The following SNX13 variants were observed in gnomAD, a reference collection of about 807,000 sequenced individuals.
SNX13 encodes the protein sorting nexin 13.
SNX13 carries 45 observed loss-of-function variants against 133.6 expected under a neutral mutation model. That is an observed-to-expected ratio of 0.34 (90% CI 0.27 to 0.43). The LOEUF (loss-of-function observed/expected upper bound fraction) is 0.43. Among genes scored for constraint, SNX13 ranks in the 20% least tolerant of loss-of-function variants. SNX13 has a pLI of 1.00. For missense variants in SNX13, 1,032 were observed against 1,145.1 expected, an observed-to-expected ratio of 0.90 and a Z score of 1.43; for synonymous variants, 414 against 373.9, an observed-to-expected ratio of 1.11 and a Z score of -1.24.
intron 18 of SNX13, among the ~76,000 whole-genome samples, chr7:17,818,298 T>C (rs1377326067): frequency 2.0e-5 from 3 of 152,024 alleles, no homozygotes; most frequent in African/African-American, 7.2e-5. Context: ...TATGACACTA[T>C]CCATTAAAAC....
At chr7:17,824,138 G>C (rs1787609790) in intron 17 of SNX13, among the ~76,000 whole-genome samples, 1 of 152,020 alleles carries the variant, frequency 6.6e-6, no homozygotes, top group African/African-American at 2.4e-5. Context: ...GTTACTCATA[G>C]CAGGCGATCT....
intron 3 of SNX13, among the ~76,000 whole-genome samples, chr7:17,892,117 G>A (rs564167649): frequency 1.9e-4 from 29 of 151,812 alleles, no homozygotes; most frequent in Non-Finnish European, 2.7e-4. Context: ...AAAGATCAGT[G>A]GCCTGAAAAT....
intron 25 of SNX13, chr7:17,795,483 T>A (rs1235292020): frequency 6.6e-6 from 1 of 151,708 alleles, no homozygotes; most frequent in Non-Finnish European, 1.5e-5. Context: ...ACCACCATCA[T>A]CATCTCAGTG....
At chr7:17,906,150 G>A (rs1355095196) in intron 1 of SNX13, among the ~76,000 whole-genome samples, 1 of 152,034 alleles carries the variant, frequency 6.6e-6, no homozygotes, top group Admixed American at 6.5e-5. Context: ...ACAAAAGAGG[G>A]AGAACGACAG....
intron 20 of SNX13, among the ~76,000 whole-genome samples, chr7:17,805,265 G>GCGCGCGCGCACA (rs771908159): frequency 6.8e-6 from 1 of 146,004 alleles, no homozygotes; most frequent in Non-Finnish European, 1.5e-5. Flanking sequence ...GCGCGCGCGC[G>GCGCGCGCGCACA]CATGCATGCA....
intron 18 of SNX13, among the ~76,000 whole-genome samples, chr7:17,819,803 G>C (rs1787078019): frequency 6.6e-6 from 1 of 152,082 alleles, no homozygotes; most frequent in South Asian, 2.1e-4. Flanking sequence ...TTTAAAAGGA[G>C]TTTTTAATTT....
intron 1 of SNX13, among the ~76,000 whole-genome samples, chr7:17,902,021 A>G (rs1797893412): frequency 6.6e-6 from 1 of 152,228 alleles, no homozygotes; most frequent in Non-Finnish European, 1.5e-5. Context: ...ATGAGTTGAT[A>G]TGGAGAAGAT....
intron 7 of SNX13, among the ~76,000 whole-genome samples, chr7:17,874,486 C>T (rs1176771013): frequency 1.3e-5 from 2 of 151,986 alleles, no homozygotes. Context: ...TCTCACTGTT[C>T]AAGTGTCAAC....
intron 16 of SNX13, among the ~76,000 whole-genome samples, chr7:17,827,050 G>A (rs1444822329): frequency 6.6e-6 from 1 of 151,982 alleles, no homozygotes; most frequent in East Asian, 1.9e-4. Context: ...TTCCTTCTAG[G>A]AGTCCAGAAT....
In SNX13 at chr7:17,793,667, T is replaced by C. The variant is rs1783757058; in HGVS notation, c.*378A>G. ...GCACAGTCTCCAACTGTTAAACAAA[T>C]TAGCCAATTTATCTCTGAACCATTG... On this transcript the variant is annotated 3_prime_UTR_variant, in exon 26 of 26. Transcript: ENST00000428135. The C allele has an allele frequency of 1.2e-5, 2 of 167,454 alleles. No individual in the cohort carries two copies. Among genetic ancestry groups the C allele is most frequent in the South Asian group, 3.2e-4 (2 of 6,186 alleles). 10.4% of individuals were successfully genotyped at this position (167,454 alleles called of 1,614,324 possible).
In SNX13 at chr7:17,793,849, A is replaced by C; in HGVS notation, c.*196T>G. Reference sequence around the variant, plus strand: ...CAAAATATGCACCAAATCATTTAAGACACAGAAATCTCTCTTGGTAGTGGT... The same window carrying C: ...CAAAATATGCACCAAATCATTTAAGCCACAGAAATCTCTCTTGGTAGTGGT... On this transcript the variant is annotated 3_prime_UTR_variant, in exon 26 of 26. Coordinates refer to ENST00000428135, the MANE Select transcript of SNX13 (RefSeq NM_015132.5). 1 of 563,644 alleles carries C rather than the reference A, an allele frequency of 1.8e-6. No homozygotes were observed. Among genetic ancestry groups the C allele is most frequent in the Non-Finnish European group, 2.9e-6 (1 of 346,656 alleles). 34.9% of individuals were successfully genotyped at this position (563,644 alleles called of 1,614,324 possible). A position where few individuals can be genotyped will look rare whatever the true frequency, so the allele number is the denominator to read the frequency against.
At chr7:17,868,656 A>C (rs1793690822) in intron 8 of SNX13, among the ~76,000 whole-genome samples, 166 bp from the exon 9 acceptor site, 1 of 152,114 alleles carries the variant, frequency 6.6e-6, no homozygotes, top group Non-Finnish European at 1.5e-5. Flanking sequence ...ACTATGCCTC[A>C]GTTTAGATAA....
chr7:17,797,286 C>T (rs529053196), intron 24 of SNX13, among the ~76,000 whole-genome samples: 33 of 151,888 alleles, frequency 2.2e-4, no homozygotes, highest in African/African-American at 7.7e-4. Context: ...CCAAATGCAA[C>T]CCTACAATAT....
At chr7:17,800,637 A>G (rs1784513520) in intron 22 of SNX13, among the ~76,000 whole-genome samples, 1 of 151,740 alleles carries the variant, frequency 6.6e-6, no homozygotes, top group African/African-American at 2.4e-5. Context: ...GAGAGAAGAC[A>G]ATGTATTACA....
intron 17 of SNX13, 38 bp downstream of exon 17, chr7:17,825,984 T>C: frequency 7.6e-7 from 1 of 1,321,302 alleles, no homozygotes; most frequent in Non-Finnish European, 1.0e-6. Flanking sequence ...TAATAATACA[T>C]AGTTTTAATG....
chr7:17,797,263 T>C (rs1784152166), intron 24 of SNX13, among the ~76,000 whole-genome samples: 2 of 151,876 alleles, frequency 1.3e-5, no homozygotes, highest in African/African-American at 4.8e-5. Context: ...CATCTGCTGA[T>C]TGAACATCTC....
intron 20 of SNX13, among the ~76,000 whole-genome samples, chr7:17,812,889 A>C (rs574798549): frequency 6.6e-6 from 1 of 152,122 alleles, no homozygotes. Context: ...GGAAACTAAC[A>C]TAAGAACAGA....
At chr7:17,894,391 T>G (rs10232097) in intron 2 of SNX13, among the ~76,000 whole-genome samples, 19,227 of 152,054 alleles carry the variant, frequency 0.13, 1,385 homozygotes, top group African/African-American at 0.17. Flanking sequence ...TGTAGCTAAA[T>G]GACAGAATTC....
At chr7:17,799,223 T>G in intron 22 of SNX13, 69 bp from the exon 23 acceptor site, 1 of 1,292,516 alleles carries the variant, frequency 7.7e-7, no homozygotes, top group Non-Finnish European at 1.0e-6. Context: ...CTTTTGTTGC[T>G]TTTACGAAAT....
Sources: gnomAD v4.1 joint callset for allele counts (sites outside exome capture counted in the v4.1 genomes callset) on GRCh38, gnomAD v4.1.1 for gene constraint, MANE v1.5 for transcripts, NCBI Gene and HGNC (gene_info 2026-07-23, HGNC 2026-07-21) for gene names.